BABAM2: variants seen among roughly 807,000 people sequenced by gnomAD.
BABAM2 encodes BRISC and BRCA1-A complex member 2.
A neutral mutation model predicts 54.7 loss-of-function variants in BABAM2; 31 were observed. The observed-to-expected ratio is 0.57, with a 90% CI of 0.43 to 0.77. BABAM2 has a LOEUF of 0.77. Ranked by LOEUF, BABAM2 falls within the 30% of genes least tolerant of loss-of-function variation. BABAM2 has a pLI of 0.00. For missense variants in BABAM2, 364 were observed against 455.8 expected, an observed-to-expected ratio of 0.80 and a Z score of 1.83; for synonymous variants, 167 against 162.9, an observed-to-expected ratio of 1.03 and a Z score of -0.19.
intron 5 of BABAM2, among the ~76,000 whole-genome samples, chr2:28,027,174 C>T (rs1466837865): frequency 6.6e-6 from 1 of 150,762 alleles, no homozygotes. Flanking sequence ...AGGTATTCTC[C>T]TGCCCAAGGG....
At chr2:28,065,002 C>CAA (rs796411019) in intron 6 of BABAM2, among the ~76,000 whole-genome samples, 5 of 107,200 alleles carry the variant, frequency 4.7e-5, no homozygotes, top group African/African-American at 9.7e-5. Context: ...GACTCTATCT[C>CAA]AAAAAAAAAA....
intron 6 of BABAM2, among the ~76,000 whole-genome samples, chr2:28,116,809 G>C (rs1188602640): frequency 6.6e-6 from 1 of 152,162 alleles, no homozygotes; most frequent in Non-Finnish European, 1.5e-5. Context: ...CAAAAGCTGT[G>C]TAAACCTTTT....
At chr2:28,286,986 A>G (rs1686875558) in intron 10 of BABAM2, among the ~76,000 whole-genome samples, 1 of 152,192 alleles carries the variant, frequency 6.6e-6, no homozygotes, top group Admixed American at 6.5e-5. Context: ...TTCTTCCTAA[A>G]GCCACATTAG....
At chr2:28,288,185 G>A (rs1686979523) in intron 10 of BABAM2, among the ~76,000 whole-genome samples, 1 of 152,142 alleles carries the variant, frequency 6.6e-6, no homozygotes, top group African/African-American at 2.4e-5. Flanking sequence ...CCTCCAGACA[G>A]GGAGAAGGAC....
intron 7 of BABAM2, among the ~76,000 whole-genome samples, chr2:28,236,402 C>T (rs761107828): frequency 7.0e-6 from 1 of 143,582 alleles, no homozygotes; most frequent in Non-Finnish European, 1.5e-5. Context: ...CTCACTGTAT[C>T]GCCCGTGCTG....
intron 6 of BABAM2, among the ~76,000 whole-genome samples, chr2:28,115,278 A>G (rs1668513047): frequency 6.6e-6 from 1 of 152,050 alleles, no homozygotes; most frequent in African/African-American, 2.4e-5. Context: ...GTAGGATTTT[A>G]GAGGAGAGAC....
chr2:27,945,933 T>A (rs892987315), intron 3 of BABAM2, among the ~76,000 whole-genome samples: 1 of 152,130 alleles, frequency 6.6e-6, no homozygotes, highest in Non-Finnish European at 1.5e-5. Flanking sequence ...TGTAGATTCC[T>A]TAGGTATTTT....
intron 2 of BABAM2, among the ~76,000 whole-genome samples, chr2:27,899,675 TA>T (rs1294909755): frequency 6.6e-6 from 1 of 152,060 alleles, no homozygotes. Context: ...TCATCTTGGC[TA>T]GGTTGGTGTC....
intron 3 of BABAM2, among the ~76,000 whole-genome samples, chr2:27,963,077 G>A (rs1670585723): frequency 6.6e-6 from 1 of 152,148 alleles, no homozygotes; most frequent in African/African-American, 2.4e-5. Context: ...TTTGACAAGT[G>A]GAATTACTAG....
chr2:28,129,412 C>T (rs759338862), intron 7 of BABAM2, 32 bp downstream of exon 7: 16 of 1,523,000 alleles, frequency 1.1e-5, no homozygotes, highest in South Asian at 1.0e-4. Context: ...TAGCCTGGTG[C>T]TACTTCTTGC....
chr2:28,308,322 T>A (rs1688743081), intron 11 of BABAM2: 1 of 459,020 alleles, frequency 2.2e-6, no homozygotes, highest in African/African-American at 2.0e-5. Context: ...AGTGTGGCTC[T>A]GCAGGCAGCA....
rs556505979 is a variant in BABAM2 at position 28,213,565 on chromosome 2, G to A, written c.681-23637G>A. On this transcript the variant is annotated intron_variant, in intron 7 of 11. Transcript: ENST00000379624. ...ATATAATTAATTTCTTGCCAGATCA[G>A]ACCTAATTAACTTCTACTAATTATT... 1.2e-4 allele frequency among the ~76,000 whole-genome samples: 19 copies of A among 152,144 alleles called. No homozygotes were observed. The South Asian group carries it at 3.5e-3, about 28-fold the overall frequency.
intron 4 of BABAM2, among the ~76,000 whole-genome samples, chr2:28,014,672 T>G (rs1674671141): frequency 6.6e-6 from 1 of 151,622 alleles, no homozygotes; most frequent in Admixed American, 6.6e-5. Context: ...AAGCTGGTTT[T>G]TTTTTTTTTT....
chr2:28,151,523 C>T (rs574763342), intron 7 of BABAM2, among the ~76,000 whole-genome samples: 3 of 152,020 alleles, frequency 2.0e-5, no homozygotes, highest in South Asian at 2.1e-4. Flanking sequence ...TGCAGTGAGC[C>T]GAGATCGCGC....
chr2:27,959,886 C>T (rs574682981), intron 3 of BABAM2, among the ~76,000 whole-genome samples: 19 of 151,884 alleles, frequency 1.3e-4, no homozygotes, highest in African/African-American at 2.2e-4. Context: ...TGTCTTTAAC[C>T]GTTTTTACTC....
At chr2:27,901,825 T>TC (rs909921132) in intron 2 of BABAM2, among the ~76,000 whole-genome samples, 6 of 152,294 alleles carry the variant, frequency 3.9e-5, no homozygotes, top group African/African-American at 1.4e-4. Flanking sequence ...TTCCCCTTTT[T>TC]CCCCACGCCT....
At chr2:28,175,291 C>T (rs1349471917) in intron 7 of BABAM2, among the ~76,000 whole-genome samples, 1 of 152,178 alleles carries the variant, frequency 6.6e-6, no homozygotes, top group Non-Finnish European at 1.5e-5. Context: ...CAGGCTTTGC[C>T]TGCTTATAAC....
intron 4 of BABAM2, among the ~76,000 whole-genome samples, chr2:28,000,512 C>G (rs1673504441): frequency 6.6e-6 from 1 of 152,176 alleles, no homozygotes; most frequent in African/African-American, 2.4e-5. Context: ...ACCTTAATCA[C>G]TTGGCTTGAG....
chr2:28,204,340 T>C (rs1485882748), intron 7 of BABAM2, among the ~76,000 whole-genome samples: 1 of 152,120 alleles, frequency 6.6e-6, no homozygotes, highest in Non-Finnish European at 1.5e-5. Flanking sequence ...GGTATGAAAA[T>C]GTGATGTTTA....
Sources: allele counts gnomAD v4.1 joint callset (sites outside exome capture counted in the v4.1 genomes callset), GRCh38; gene constraint gnomAD v4.1.1; transcripts MANE v1.5; gene names NCBI Gene and HGNC (gene_info 2026-07-23, HGNC 2026-07-21).